Variants in CYP19A1 observed in about 807,000 individuals in gnomAD.
The protein encoded by CYP19A1 is aromatase.
Under a neutral mutation model 44.4 loss-of-function variants are expected in CYP19A1, and 32 were observed. The observed-to-expected ratio is 0.72, with a 90% CI of 0.54 to 0.97. The LOEUF (loss-of-function observed/expected upper bound fraction) is 0.97, where lower values mean the gene tolerates loss of function less well. Ranked by LOEUF, CYP19A1 falls within the 50% of genes least tolerant of loss-of-function variation. The probability of loss-of-function intolerance (pLI) is 0.00; values close to 1 mark genes in which losing one functional copy is unlikely to be tolerated. For synonymous variants in CYP19A1, 212 were observed against 215.6 expected (o/e 0.98, Z 0.14); for missense variants, 598 against 637.8 (o/e 0.94, Z 0.67).
chr15:51,269,908 T>C (rs947119644), intron 1 of CYP19A1, among the ~76,000 whole-genome samples: 4 of 152,216 alleles, frequency 2.6e-5, no homozygotes, highest in African/African-American at 9.7e-5. Context: ...TCCCAGTCAT[T>C]TGCCCCTGTA....
intron 1 of CYP19A1, among the ~76,000 whole-genome samples, chr15:51,292,690 G>A (rs2035874593): frequency 6.6e-6 from 1 of 152,176 alleles, no homozygotes; most frequent in Admixed American, 6.5e-5. Flanking sequence ...TTCCTGCCAA[G>A]CTTTGTATCC....
chr15:51,274,456 A>T (rs936258222), intron 1 of CYP19A1, among the ~76,000 whole-genome samples: 1 of 152,234 alleles, frequency 6.6e-6, no homozygotes, highest in African/African-American at 2.4e-5. Context: ...CCCTCCTCTG[A>T]GGATGAACTG....
rs765973132 is a variant in CYP19A1 at position 51,287,200 on chromosome 15, C to G, written c.-38-44250G>C. On this transcript the variant is annotated intron_variant, in intron 1 of 9. Coordinates refer to ENST00000396402, the MANE Select transcript of CYP19A1 (RefSeq NM_000103.4). The stretch of plus-strand genomic sequence containing the variant: ...TATTAGTCCTTCCCTTCTTGCCTAT[C>G]TTGTTCTTCCCAGCACCCCTGGACA... 2.5e-4 allele frequency among the ~76,000 whole-genome samples: 38 copies of G among 152,210 alleles called. 1 individual carries two copies. The highest frequency in any genetic ancestry group is 4.9e-4 in the Non-Finnish European group (33 of 68,038).
At chr15:51,214,982 T>C in intron 8 of CYP19A1, 88 bp downstream of exon 8, 1 of 1,526,822 alleles carries the variant, frequency 6.5e-7, no homozygotes, top group Non-Finnish European at 8.8e-7. Context: ...AAAAATTTCA[T>C]GTTTGATATC....
chr15:51,295,916 A>T (rs1467685536), intron 1 of CYP19A1, among the ~76,000 whole-genome samples: 2 of 152,168 alleles, frequency 1.3e-5, no homozygotes. Context: ...AAAGGCAGAC[A>T]AAAAGAATGT....
chr15:51,247,463 AT>A (rs1215174124), intron 1 of CYP19A1, among the ~76,000 whole-genome samples: 1 of 139,506 alleles, frequency 7.2e-6, no homozygotes, highest in African/African-American at 2.9e-5. Context: ...TTTTATTTTT[AT>A]TTTTATTTAT....
In CYP19A1 at chr15:51,208,721, C is replaced by T. The variant is rs1368195615; in HGVS notation, c.*2087G>A. 3 of 151,838 alleles carry T rather than the reference C, an allele frequency of 2.0e-5. No individual in the cohort carries two copies. Among genetic ancestry groups the T allele is most frequent in the Non-Finnish European group, 1.5e-5 (1 of 67,964 alleles). 9.4% of individuals were successfully genotyped at this position (151,838 alleles called of 1,614,324 possible). On this transcript the variant is annotated 3_prime_UTR_variant, in exon 10 of 10. Coordinates refer to ENST00000396402, the MANE Select transcript of CYP19A1 (RefSeq NM_000103.4). The stretch of plus-strand genomic sequence containing the variant: ...TTGGATCGTTCAAACCAACACTTCT[C>T]CTCTTCCTGTCCCTCCCCCATGTCC...
At chr15:51,286,165 ACTC>A (rs1356966116) in intron 1 of CYP19A1, among the ~76,000 whole-genome samples, 3 of 150,220 alleles carry the variant, frequency 2.0e-5, no homozygotes, top group Non-Finnish European at 4.4e-5. Context: ...TAACAACTCT[ACTC>A]CTCTCTCCTG....
intron 1 of CYP19A1, among the ~76,000 whole-genome samples, chr15:51,275,677 T>C (rs1442004826): frequency 1.3e-5 from 2 of 152,244 alleles, no homozygotes; most frequent in African/African-American, 4.8e-5. Context: ...CAAGAGTGAC[T>C]GCTCACATTT....
At chr15:51,274,538 G>A (rs1385092630) in intron 1 of CYP19A1, among the ~76,000 whole-genome samples, 1 of 152,196 alleles carries the variant, frequency 6.6e-6, no homozygotes, top group African/African-American at 2.4e-5. Context: ...GACCACCTCA[G>A]AATCTGTATC....
At chr15:51,314,013 C>T (rs1217420102) in intron 1 of CYP19A1, 1 of 152,052 alleles carries the variant, frequency 6.6e-6, no homozygotes, top group African/African-American at 2.4e-5. Flanking sequence ...TTTGGATACT[C>T]CCTCTCCTCC....
intron 1 of CYP19A1, among the ~76,000 whole-genome samples, chr15:51,282,214 C>A (rs927247372): frequency 1.3e-5 from 2 of 152,114 alleles, no homozygotes; most frequent in Admixed American, 6.5e-5. Context: ...GTAGATGGAG[C>A]CCCTAAGATA....
At chr15:51,230,680 G>C (rs570731496) in intron 3 of CYP19A1, among the ~76,000 whole-genome samples, 1 of 147,724 alleles carries the variant, frequency 6.8e-6, no homozygotes, top group African/African-American at 2.5e-5. Flanking sequence ...GTGCAGTGGC[G>C]CAATCTCAGC....
intron 1 of CYP19A1, among the ~76,000 whole-genome samples, chr15:51,302,473 C>G (rs2036134891): frequency 1.3e-5 from 2 of 152,208 alleles, no homozygotes; most frequent in African/African-American, 4.8e-5. Flanking sequence ...CAACTTTTAG[C>G]TAATTCAAAA....
chr15:51,226,560 C>G (rs2032596750), intron 4 of CYP19A1, among the ~76,000 whole-genome samples: 1 of 152,126 alleles, frequency 6.6e-6, no homozygotes, highest in Admixed American at 6.5e-5. Context: ...ACTGGCATAG[C>G]TCCCCCCATC....
intron 1 of CYP19A1, among the ~76,000 whole-genome samples, chr15:51,268,530 C>T (rs199666678): frequency 6.2e-4 from 78 of 125,804 alleles, no homozygotes; most frequent in East Asian, 2.5e-3. Flanking sequence ...CCCCCCCCCC[C>T]TTTTTTTTTG....
chr15:51,260,113 G>T (rs2034658780), intron 1 of CYP19A1, among the ~76,000 whole-genome samples: 1 of 152,242 alleles, frequency 6.6e-6, no homozygotes, highest in African/African-American at 2.4e-5. Context: ...CTGTCTCCCA[G>T]TGAGGCAATC....
chr15:51,286,034 C>T (rs1329900306), intron 1 of CYP19A1, among the ~76,000 whole-genome samples: 1 of 152,184 alleles, frequency 6.6e-6, no homozygotes, highest in Non-Finnish European at 1.5e-5. Context: ...TGCATACCCA[C>T]CAGTTCTCCA....
At chr15:51,243,795 A>C (rs1346971137) in intron 1 of CYP19A1, among the ~76,000 whole-genome samples, 1 of 152,220 alleles carries the variant, frequency 6.6e-6, no homozygotes, top group Non-Finnish European at 1.5e-5. Context: ...ATCAATTTAC[A>C]GTCTGATGTG....
Sources: gnomAD v4.1 joint callset for allele counts (sites outside exome capture counted in the v4.1 genomes callset) on GRCh38, gnomAD v4.1.1 for gene constraint, MANE v1.5 for transcripts, NCBI Gene and HGNC (gene_info 2026-07-23, HGNC 2026-07-21) for gene names.